Variants in DIAPH3 observed in about 807,000 individuals in gnomAD.
DIAPH3 encodes diaphanous related formin 3.
In DIAPH3, 117 loss-of-function variants were observed where a neutral mutation model predicts 144.3. The ratio of observed to expected loss-of-function variants is 0.81; its 90% CI spans 0.70 to 0.95. The LOEUF (loss-of-function observed/expected upper bound fraction) is 0.95. Among genes scored for constraint, DIAPH3 ranks in the 40% least tolerant of loss-of-function variants. DIAPH3 has a pLI of 0.00. For missense variants in DIAPH3, 1,421 were observed against 1,412.7 expected (o/e 1.01, Z -0.09); for synonymous variants, 519 against 488.9 (o/e 1.06, Z -0.81).
chr13:59,721,539 T>C (rs929781408), intron 27 of DIAPH3, among the ~76,000 whole-genome samples: 3 of 152,158 alleles, frequency 2.0e-5, no homozygotes, highest in Non-Finnish European at 4.4e-5. Context: ...ACTAGGTGAA[T>C]TGACGGTGTG....
intron 1 of DIAPH3, among the ~76,000 whole-genome samples, chr13:60,155,894 C>G (rs1385261435): frequency 6.6e-6 from 1 of 152,174 alleles, no homozygotes; most frequent in Non-Finnish European, 1.5e-5. Context: ...TCTGTCCTCC[C>G]AAATTACAAA....
intron 27 of DIAPH3, among the ~76,000 whole-genome samples, chr13:59,709,459 G>T (rs2034608999): frequency 6.6e-6 from 1 of 152,136 alleles, no homozygotes; most frequent in African/African-American, 2.4e-5. Context: ...CTTCTCAAAA[G>T]AAGACATTTA....
intron 22 of DIAPH3, among the ~76,000 whole-genome samples, chr13:59,839,793 T>C (rs994177351): frequency 2.6e-5 from 4 of 152,210 alleles, no homozygotes; most frequent in African/African-American, 9.6e-5. Context: ...AAAATTGGAC[T>C]GATTTAAATA....
chr13:59,865,070 A>C (rs2043835414), intron 21 of DIAPH3, among the ~76,000 whole-genome samples: 1 of 151,986 alleles, frequency 6.6e-6, no homozygotes, highest in Admixed American at 6.6e-5. Context: ...TTCTTCATTT[A>C]TGCTCTAACA....
intron 25 of DIAPH3, among the ~76,000 whole-genome samples, chr13:59,806,640 T>G (rs1249123164): frequency 1.3e-5 from 2 of 151,950 alleles, no homozygotes; most frequent in African/African-American, 4.8e-5. Flanking sequence ...ATTTGGTTAT[T>G]TGAAGCACTC....
chr13:59,726,467 C>T (rs1480847105), intron 27 of DIAPH3, among the ~76,000 whole-genome samples: 1 of 152,216 alleles, frequency 6.6e-6, no homozygotes, highest in Non-Finnish European at 1.5e-5. Flanking sequence ...TCTGACTTTC[C>T]TATCCTATGT....
At chr13:59,950,954 ATTT>A (rs2049064435) in intron 17 of DIAPH3, among the ~76,000 whole-genome samples, 1 of 151,964 alleles carries the variant, frequency 6.6e-6, no homozygotes, top group Non-Finnish European at 1.5e-5. Context: ...TTAGGGTGGT[ATTT>A]TTTTCTTTCA....
chr13:59,674,145 CA>C (rs1387442252), intron 27 of DIAPH3, among the ~76,000 whole-genome samples: 1 of 152,126 alleles, frequency 6.6e-6, no homozygotes, highest in Non-Finnish European at 1.5e-5. Flanking sequence ...TGTTAGAAGT[CA>C]ATGTAGAATG....
chr13:59,700,816 G>A (rs1336503511), intron 27 of DIAPH3, among the ~76,000 whole-genome samples: 1 of 152,112 alleles, frequency 6.6e-6, no homozygotes, highest in Non-Finnish European at 1.5e-5. Context: ...GGTTATCCTT[G>A]TTAAATCAAC....
At chr13:59,876,811 CT>C (rs1225651562) in intron 21 of DIAPH3, among the ~76,000 whole-genome samples, 3 of 152,174 alleles carry the variant, frequency 2.0e-5, no homozygotes, top group Non-Finnish European at 4.4e-5. Context: ...AGGAAACAGA[CT>C]GTAGTACATG....
chr13:60,099,424 T>G (rs2058200948), intron 3 of DIAPH3, among the ~76,000 whole-genome samples: 1 of 152,012 alleles, frequency 6.6e-6, no homozygotes, highest in Admixed American at 6.6e-5. Context: ...AAGCACAATA[T>G]CCAAAAAATG....
intron 22 of DIAPH3, among the ~76,000 whole-genome samples, chr13:59,850,516 G>C (rs988995356): frequency 9.3e-5 from 14 of 150,906 alleles, no homozygotes; most frequent in African/African-American, 3.2e-4. Context: ...TTTATTGAGA[G>C]TTTTTAGCAT....
intron 22 of DIAPH3, among the ~76,000 whole-genome samples, chr13:59,848,336 T>C (rs1256279287): frequency 2.7e-5 from 4 of 150,794 alleles, no homozygotes; most frequent in Non-Finnish European, 5.9e-5. Context: ...ATTATTATAC[T>C]TTAAGTTTTA....
At chr13:59,763,502 C>T (rs1389825533) in intron 27 of DIAPH3, among the ~76,000 whole-genome samples, 1 of 151,982 alleles carries the variant, frequency 6.6e-6, no homozygotes, top group African/African-American at 2.4e-5. Flanking sequence ...CACAGTGAGA[C>T]TCTGTCTTCA....
At chr13:60,036,393 T>C (rs1352454090) in intron 5 of DIAPH3, among the ~76,000 whole-genome samples, 1 of 152,176 alleles carries the variant, frequency 6.6e-6, no homozygotes, top group Non-Finnish European at 1.5e-5. Context: ...TAACTACATG[T>C]GGCTCTCAAG....
chr13:59,839,074 G>A (rs1593618870), intron 23 of DIAPH3: 5 of 347,058 alleles, frequency 1.4e-5, no homozygotes, highest in East Asian at 6.9e-5. Context: ...TCATGCCACC[G>A]CACTCCAGCC....
At chr13:59,867,833 A>G (rs1381185679) in intron 21 of DIAPH3, among the ~76,000 whole-genome samples, 1 of 152,214 alleles carries the variant, frequency 6.6e-6, no homozygotes. Context: ...GAGATCAGAA[A>G]ACAGACATTC....
chr13:60,015,657 G>A (rs2053591259), intron 7 of DIAPH3, among the ~76,000 whole-genome samples: 1 of 151,862 alleles, frequency 6.6e-6, no homozygotes, highest in Non-Finnish European at 1.5e-5. Context: ...GGGTTGGGGT[G>A]GGCAGGGTTG....
At chr13:60,133,733 C>A (rs1281802694) in intron 1 of DIAPH3, among the ~76,000 whole-genome samples, 1 of 152,032 alleles carries the variant, frequency 6.6e-6, no homozygotes, top group African/African-American at 2.4e-5. Context: ...ACACAGAAAT[C>A]TAAGTTTTAT....
Sources: allele counts gnomAD v4.1 joint callset (sites outside exome capture counted in the v4.1 genomes callset), GRCh38; gene constraint gnomAD v4.1.1; transcripts MANE v1.5; gene names NCBI Gene and HGNC (gene_info 2026-07-23, HGNC 2026-07-21).